Variants in TRAPPC9 observed in about 807,000 individuals in gnomAD.
The protein encoded by TRAPPC9 is trafficking protein particle complex subunit 9, also known as IKK2 binding protein.
TRAPPC9 carries 83 observed loss-of-function variants against 124.0 expected under a neutral mutation model. The ratio of observed to expected loss-of-function variants is 0.67; its 90% CI spans 0.56 to 0.80. The LOEUF is 0.80. Among genes scored for constraint, TRAPPC9 ranks in the 30% least tolerant of loss-of-function variants. The probability of loss-of-function intolerance (pLI) is 0.00; values close to 1 mark genes in which losing one functional copy is unlikely to be tolerated. For synonymous variants in TRAPPC9, 638 were observed against 617.5 expected (o/e 1.03, Z -0.49); for missense variants, 1,302 against 1,508.3 (o/e 0.86, Z 2.27).
In TRAPPC9 at chr8:140,391,712, CAAAAAAA is replaced by C. The variant is rs1238939604; in HGVS notation, c.1134+5901_1134+5907del. On this transcript the variant is annotated intron_variant, in intron 7 of 22. Transcript: ENST00000438773. ...GGGCAACAACAGCGAAACTCTGTCT[CAAAAAAA>C]AAAAAAAAAAAGAATTAAGAAAGTG... 1.2e-3 allele frequency among the ~76,000 whole-genome samples: 91 copies of C among 75,472 alleles called. 1 individual carries two copies. In the East Asian group the frequency reaches 0.012, roughly 10 times the overall value. 49.5% of individuals were successfully genotyped at this position (75,472 alleles called of 152,430 possible).
chr8:139,901,018 T>TAAAA lies in TRAPPC9; in HGVS notation c.2964+9125_2964+9128dup, dbSNP rs374122670. Among the ~76,000 whole-genome samples, 1,435 of 151,192 alleles carry TAAAA rather than the reference T, an allele frequency of 9.5e-3. 28 individuals carry two copies. The highest frequency in any genetic ancestry group is 0.029 in the African/African-American group (1,186 of 41,184). On this transcript the variant is annotated intron_variant, in intron 20 of 22. Coordinates refer to ENST00000438773, the MANE Select transcript of TRAPPC9 (RefSeq NM_001160372.4). ...TAAATAAATAAAATAAATAAATAAA[T>TAAAA]AAAAATAAAATAAAAGTAAGTGCTA...
chr8:139,791,982 C>T (rs936124991), intron 21 of TRAPPC9, among the ~76,000 whole-genome samples: 4 of 152,256 alleles, frequency 2.6e-5, no homozygotes, highest in African/African-American at 7.2e-5. Flanking sequence ...CTTGTCCATA[C>T]CCCAGCTTTC....
intron 7 of TRAPPC9, among the ~76,000 whole-genome samples, chr8:140,377,725 C>T (rs1465242124): frequency 6.6e-6 from 1 of 152,178 alleles, no homozygotes; most frequent in Non-Finnish European, 1.5e-5. Flanking sequence ...CCCCATCACT[C>T]CTTTCCTAAA....
chr8:140,444,846 A>G lies in TRAPPC9; in HGVS notation c.585-5649T>C, dbSNP rs539127356. Among the ~76,000 whole-genome samples the G allele has an allele frequency of 2.4e-3, 329 of 138,200 alleles. 4 individuals carry two copies. Among genetic ancestry groups the G allele is most frequent in the African/African-American group, 8.4e-3 (313 of 37,054 alleles). 90.7% of individuals were successfully genotyped at this position (138,200 alleles called of 152,430 possible). On this transcript the variant is annotated intron_variant, in intron 2 of 22. Transcript: ENST00000438773. ...CCACTGCATTCCAGCACGGGCAACA[A>G]GAGTGAAACTCCAATCTCAGGAAAA...
chr8:139,825,314 C>T lies in TRAPPC9; in HGVS notation c.3055+60565G>A, dbSNP rs904560960. On this transcript the variant is annotated intron_variant, in intron 21 of 22. Coordinates refer to ENST00000438773, the MANE Select transcript of TRAPPC9 (RefSeq NM_001160372.4). The surrounding 1 kb of genome is among the most constrained non-coding windows in gnomAD (Gnocchi z 4.6). ...CACACTGGGTCCCACTCTTTCCCGCCGAATGGAGGAGAGGAGAAGCACAGG... is the reference window on the plus strand; with the variant it reads ...CACACTGGGTCCCACTCTTTCCCGCTGAATGGAGGAGAGGAGAAGCACAGG... Among the ~76,000 whole-genome samples the T allele has an allele frequency of 6.6e-6, 1 of 152,162 alleles. No homozygotes were observed. The highest frequency in any genetic ancestry group is 2.1e-4 in the South Asian group (1 of 4,822).
chr8:139,995,789 G>A (rs920871504), intron 18 of TRAPPC9, among the ~76,000 whole-genome samples: 34 of 149,828 alleles, frequency 2.3e-4, no homozygotes, highest in Admixed American at 1.3e-3. Flanking sequence ...ACCCACATGC[G>A]GCTGATCCAA....
intron 5 of TRAPPC9, among the ~76,000 whole-genome samples, chr8:140,421,491 T>G (rs1358661660): frequency 6.6e-6 from 1 of 152,140 alleles, no homozygotes; most frequent in Admixed American, 6.5e-5. Flanking sequence ...TTTACAAAAT[T>G]CCAGGCTTTT....
At chr8:139,887,002 G>C (rs190915259) in intron 20 of TRAPPC9, among the ~76,000 whole-genome samples, 7 of 152,258 alleles carry the variant, frequency 4.6e-5, no homozygotes, top group Non-Finnish European at 1.5e-5. Context: ...CTGGCTCATG[G>C]GGGAGTCGGG....
intron 17 of TRAPPC9, among the ~76,000 whole-genome samples, chr8:140,186,760 A>C (rs1352464605): frequency 1.3e-5 from 2 of 152,220 alleles, no homozygotes; most frequent in Non-Finnish European, 2.9e-5. Flanking sequence ...GGATCTTGAC[A>C]GTGTGAGTGG....
At chr8:139,967,197 G>A (rs1409749435) in intron 19 of TRAPPC9, among the ~76,000 whole-genome samples, 1 of 152,178 alleles carries the variant, frequency 6.6e-6, no homozygotes, top group Non-Finnish European at 1.5e-5. Context: ...CAAGCAGAAT[G>A]CTCATGAGCA....
At chr8:140,374,786 C>T (rs1352257752) in intron 7 of TRAPPC9, among the ~76,000 whole-genome samples, 3 of 152,154 alleles carry the variant, frequency 2.0e-5, no homozygotes, top group East Asian at 1.9e-4. Flanking sequence ...AGGTGACAGC[C>T]GGGGAAGGTC....
intron 21 of TRAPPC9, among the ~76,000 whole-genome samples, chr8:139,783,710 A>C (rs563527129): frequency 6.6e-6 from 1 of 152,350 alleles, no homozygotes; most frequent in Admixed American, 6.5e-5. Flanking sequence ...AAGAACTACA[A>C]ATATCCCTTA....
chr8:139,939,422 C>T (rs1404583250), intron 19 of TRAPPC9, among the ~76,000 whole-genome samples: 3 of 152,316 alleles, frequency 2.0e-5, no homozygotes, highest in East Asian at 1.9e-4. Flanking sequence ...GAGGAAACTC[C>T]AGAAGGAGGT....
chr8:139,947,894 G>GTGTGTGTATATATATATATA (rs1554678277), intron 19 of TRAPPC9, among the ~76,000 whole-genome samples: 46 of 65,786 alleles, frequency 7.0e-4, no homozygotes, highest in African/African-American at 2.4e-3. Flanking sequence ...AAATATGTGT[G>GTGTGTGTATATATATATATA]TATATATATA....
At chr8:139,892,303 G>C (rs1011743911) in intron 20 of TRAPPC9, among the ~76,000 whole-genome samples, 20 of 152,192 alleles carry the variant, frequency 1.3e-4, no homozygotes, top group African/African-American at 4.3e-4. Context: ...CCTAGGAGAA[G>C]GTCAGGGTAG....
At chr8:140,439,354 T>C (rs1302906700) in intron 2 of TRAPPC9, among the ~76,000 whole-genome samples, 157 bp from the exon 3 acceptor site, 1 of 152,238 alleles carries the variant, frequency 6.6e-6, no homozygotes, top group Non-Finnish European at 1.5e-5. Flanking sequence ...GCCAGTTATG[T>C]GAGCTGGAGT....
At chr8:140,349,136 A>G (rs2067444111) in intron 9 of TRAPPC9, among the ~76,000 whole-genome samples, 1 of 104,924 alleles carries the variant, frequency 9.5e-6, no homozygotes, top group African/African-American at 3.7e-5. Flanking sequence ...GAGGGAAGGG[A>G]AGGGCACACA....
intron 2 of TRAPPC9, among the ~76,000 whole-genome samples, chr8:140,442,496 G>A (rs1377338155): frequency 6.6e-6 from 1 of 151,878 alleles, no homozygotes; most frequent in Non-Finnish European, 1.5e-5. Context: ...TACTCGGGAG[G>A]CTGAGGCAGG....
intron 21 of TRAPPC9, among the ~76,000 whole-genome samples, chr8:139,780,766 T>C (rs1045142445): frequency 6.6e-6 from 1 of 151,332 alleles, no homozygotes; most frequent in African/African-American, 2.4e-5. Flanking sequence ...TATTCAAAGA[T>C]TTATTTGGCA....
Sources: allele counts gnomAD v4.1 joint callset (sites outside exome capture counted in the v4.1 genomes callset), GRCh38; gene constraint gnomAD v4.1.1; non-coding constraint Gnocchi (gnomAD v3.1); transcripts MANE v1.5; gene names NCBI Gene and HGNC (gene_info 2026-07-23, HGNC 2026-07-21).